Variants in ESR1 observed in about 807,000 individuals in gnomAD.
The protein encoded by ESR1 is estrogen receptor 1.
In ESR1, 12 loss-of-function variants were observed where a neutral mutation model predicts 52.7. That is an observed-to-expected ratio of 0.23 (90% CI 0.15 to 0.37). The LOEUF is 0.37. Ranked by LOEUF, ESR1 falls within the 10% of genes least tolerant of loss-of-function variation. ESR1 has a pLI of 1.00. For missense variants in ESR1, 584 were observed against 779.7 expected (o/e 0.75, Z 2.99); for synonymous variants, 305 against 316.8 (o/e 0.96, Z 0.39).
At chr6:151,876,947 C>T (rs1369753171) in intron 2 of ESR1, among the ~76,000 whole-genome samples, 4 of 151,278 alleles carry the variant, frequency 2.6e-5, no homozygotes, top group East Asian at 2.0e-4. Context: ...TCACATACAT[C>T]GAGTCCTGTC....
At position 151,892,955 on chromosome 6, in the gene ESR1, G is replaced by C. The variant is rs542032887; in HGVS notation, c.760+12184G>C. On this transcript the variant is annotated intron_variant, in intron 3 of 7. Coordinates refer to ENST00000206249, the MANE Select transcript of ESR1 (RefSeq NM_000125.4). Reference sequence around the variant, plus strand: ...TGTAATCCCAGCACTTTGGGAGGCCGAGCTGGGTGGATCACTTGAGATCAG... The same window carrying C: ...TGTAATCCCAGCACTTTGGGAGGCCCAGCTGGGTGGATCACTTGAGATCAG... Among the ~76,000 whole-genome samples, 12 of 152,300 alleles carry C rather than the reference G, an allele frequency of 7.9e-5. No homozygotes were observed. The East Asian group carries it at 2.1e-3, about 27-fold the overall frequency.
intron 5 of ESR1, among the ~76,000 whole-genome samples, chr6:152,051,902 G>A (rs529466826): frequency 1.5e-4 from 23 of 152,196 alleles, no homozygotes; most frequent in African/African-American, 5.5e-4. Context: ...TGCTGTCCTG[G>A]TCATTACTAT....
intron 3 of ESR1, among the ~76,000 whole-genome samples, chr6:151,916,014 G>A (rs1197414105): frequency 2.0e-5 from 3 of 152,192 alleles, no homozygotes; most frequent in African/African-American, 7.2e-5. Context: ...TTTGGCAATT[G>A]TAAGCAAAGG....
chr6:151,815,461 G>A (rs969739711), intron 1 of ESR1, among the ~76,000 whole-genome samples: 1 of 152,216 alleles, frequency 6.6e-6, no homozygotes, highest in Non-Finnish European at 1.5e-5. Flanking sequence ...CGGAGAAGCT[G>A]TTGGTTGAAA....
rs3996305 is a variant in ESR1 at position 151,825,910 on chromosome 6, C to CAAAA, written c.453-16669_453-16666dup. On this transcript the variant is annotated intron_variant, in intron 1 of 7. Coordinates refer to ENST00000206249, the MANE Select transcript of ESR1 (RefSeq NM_000125.4). ...TGGGTGGCAGAGCAAGACTCCATCT[C>CAAAA]AAAAAAAAAAAAAAAAAAAAAGAAA... Among the ~76,000 whole-genome samples, 46 of 77,692 alleles carry CAAAA rather than the reference C, an allele frequency of 5.9e-4. 1 individual carries two copies. The highest frequency in any genetic ancestry group is 1.7e-3 in the East Asian group (4 of 2,410). The allele number at this position is 77,692 out of a possible 152,430, so 51.0% of individuals were successfully genotyped here.
upstream of ESR1, among the ~76,000 whole-genome samples, chr6:151,685,950 CA>C (rs1778647637): frequency 6.6e-6 from 1 of 151,920 alleles, no homozygotes; most frequent in African/African-American, 2.4e-5. Context: ...GTCACTCAGG[CA>C]AAAGTGCAGC....
chr6:151,711,777 T>C (rs1780632085), intron 2 of ESR1, among the ~76,000 whole-genome samples: 1 of 152,162 alleles, frequency 6.6e-6, no homozygotes, highest in Non-Finnish European at 1.5e-5. Flanking sequence ...ATTACGAAAT[T>C]TTTCCCCCAT....
rs1562494348 is a variant in ESR1, at chr6:151,868,127, TTTTG to T, written c.644-12516_644-12513del. ...ATAGTTTTTTGTTTTCTTTGTTTTT[TTTTG>T]TTTGTTTGTTTTTTGAGATGGAGTC... On this transcript the variant is annotated intron_variant, in intron 2 of 7. Coordinates refer to ENST00000206249, the MANE Select transcript of ESR1 (RefSeq NM_000125.4). Among the ~76,000 whole-genome samples, 6 of 151,566 alleles carry T rather than the reference TTTTG, an allele frequency of 4.0e-5. 1 individual carries two copies. Among genetic ancestry groups the T allele is most frequent in the Non-Finnish European group, 5.9e-5 (4 of 67,908 alleles).
intron 5 of ESR1, among the ~76,000 whole-genome samples, chr6:152,033,228 T>C (rs1310121743): frequency 1.3e-5 from 2 of 151,260 alleles, no homozygotes; most frequent in African/African-American, 2.4e-5. Flanking sequence ...GACATAGGCA[T>C]GGGCAAGGAC....
chr6:151,828,771 A>G (rs1781919511), intron 1 of ESR1, among the ~76,000 whole-genome samples: 1 of 152,206 alleles, frequency 6.6e-6, no homozygotes, highest in Non-Finnish European at 1.5e-5. Flanking sequence ...TGACATCCAT[A>G]TAACTGCAAC....
At chr6:151,935,661 G>C (rs760641783) in intron 3 of ESR1, among the ~76,000 whole-genome samples, 8 of 152,234 alleles carry the variant, frequency 5.3e-5, no homozygotes, top group Non-Finnish European at 8.8e-5. Context: ...CCAAATGTAG[G>C]ACGGCAGCTA....
chr6:152,034,577 T>C, intron 5 of ESR1, among the ~76,000 whole-genome samples: 1 of 151,446 alleles, frequency 6.6e-6, no homozygotes, highest in Non-Finnish European at 1.5e-5. Context: ...ATTTCTCGTA[T>C]TTTTTTTTCT....
intron 4 of ESR1, among the ~76,000 whole-genome samples, chr6:152,002,691 T>C (rs892747648): frequency 2.0e-5 from 3 of 152,028 alleles, no homozygotes; most frequent in Non-Finnish European, 2.9e-5. Flanking sequence ...AACTGAAAAA[T>C]AATTTCTTTT....
At chr6:151,744,820 C>G (rs1343762686) in intron 2 of ESR1, among the ~76,000 whole-genome samples, 1 of 152,186 alleles carries the variant, frequency 6.6e-6, no homozygotes, top group African/African-American at 2.4e-5. Context: ...ACTCTGTTTT[C>G]CTCTAAGAGT....
At chr6:151,660,531 A>G (rs1777603086) in intron 1 of ESR1, among the ~76,000 whole-genome samples, 1 of 152,248 alleles carries the variant, frequency 6.6e-6, no homozygotes, top group Non-Finnish European at 1.5e-5. Context: ...TTTTAAGCAC[A>G]AAATACCAAG....
chr6:151,868,236 T>A (rs935525768), intron 2 of ESR1, among the ~76,000 whole-genome samples: 2 of 152,158 alleles, frequency 1.3e-5, no homozygotes, highest in African/African-American at 4.8e-5. Context: ...CCAGCAATTC[T>A]CCTGCCTCAG....
chr6:151,903,168 T>G (rs898777780), intron 3 of ESR1, among the ~76,000 whole-genome samples: 4 of 152,240 alleles, frequency 2.6e-5, no homozygotes, highest in Non-Finnish European at 5.9e-5. Context: ...TTATTAGTAG[T>G]GACTTTCCCC....
At chr6:151,870,657 C>G (rs971241821) in intron 2 of ESR1, among the ~76,000 whole-genome samples, 1 of 152,112 alleles carries the variant, frequency 6.6e-6, no homozygotes, top group African/African-American at 2.4e-5. Flanking sequence ...TAACTCATTG[C>G]TTGTGATGAT....
chr6:152,011,259 A>C (rs1319727106), intron 4 of ESR1, among the ~76,000 whole-genome samples: 5 of 152,146 alleles, frequency 3.3e-5, no homozygotes, highest in African/African-American at 1.2e-4. Context: ...TATTGGGCAT[A>C]AGGCAAGTAA....
Sources: gnomAD v4.1 joint callset for allele counts (sites outside exome capture counted in the v4.1 genomes callset) on GRCh38, gnomAD v4.1.1 for gene constraint, MANE v1.5 for transcripts, NCBI Gene and HGNC (gene_info 2026-07-23, HGNC 2026-07-21) for gene names.